PRKN: variants seen among roughly 807,000 people sequenced by gnomAD.
The protein encoded by PRKN is E3 ubiquitin-protein ligase parkin.
A neutral mutation model predicts 59.5 loss-of-function variants in PRKN; 56 were observed. That is an observed-to-expected ratio of 0.94 (90% CI 0.76 to 1.18). The LOEUF is 1.18. Ranked by LOEUF, PRKN falls within the 50% of genes most tolerant of loss-of-function variation. The pLI is 0.00. For synonymous variants in PRKN, 250 were observed against 222.1 expected, an observed-to-expected ratio of 1.13 and a Z score of -1.12; for missense variants, 657 against 596.4, an observed-to-expected ratio of 1.10 and a Z score of -1.06.
chr6:161,666,096 T>C (rs1304590918), intron 7 of PRKN, among the ~76,000 whole-genome samples: 2 of 152,204 alleles, frequency 1.3e-5, no homozygotes, highest in African/African-American at 4.8e-5. Flanking sequence ...CTATCCTGTT[T>C]CTTCATCACT....
At chr6:162,517,316 C>T (rs1489886298) in intron 1 of PRKN, among the ~76,000 whole-genome samples, 3 of 150,500 alleles carry the variant, frequency 2.0e-5, no homozygotes, top group African/African-American at 7.3e-5. Context: ...GACACAATCT[C>T]GGCTCACTGC....
At chr6:161,998,577 T>C (rs1452560071) in intron 5 of PRKN, among the ~76,000 whole-genome samples, 5 of 152,192 alleles carry the variant, frequency 3.3e-5, no homozygotes, top group African/African-American at 9.7e-5. Context: ...TACAGCTTTC[T>C]ACTCTGGTAG....
chr6:162,270,985 G>A (rs562452854), intron 2 of PRKN, among the ~76,000 whole-genome samples: 1 of 149,404 alleles, frequency 6.7e-6, no homozygotes, highest in South Asian at 2.1e-4. Flanking sequence ...GAGACTACAG[G>A]CACACGCCAC....
chr6:162,354,164 C>T lies in PRKN; in HGVS notation c.171+89146G>A, dbSNP rs183614454. On this transcript the variant is annotated intron_variant, in intron 2 of 11. Coordinates refer to ENST00000366898, the MANE Select transcript of PRKN (RefSeq NM_004562.3). ...TGACATTCTCTGGACCATTCTCAAC[C>T]GAAGAGGAAGGTATACACACCATTC... 4.7e-3 allele frequency among the ~76,000 whole-genome samples: 720 copies of T among 152,132 alleles called. 6 individuals are homozygous for T. The highest frequency in any genetic ancestry group is 9.3e-3 in the Admixed American group (142 of 15,270).
rs1789722581 is a variant in PRKN, at chr6:161,451,113, G to A, written c.1084-64236C>T. Reference sequence around the variant, plus strand: ...CCGATGGAAAGAGAACTGGCAAGGGGCTAACTTCTGCATGACGTGTTTCCA... The same window carrying A: ...CCGATGGAAAGAGAACTGGCAAGGGACTAACTTCTGCATGACGTGTTTCCA... On this transcript the variant is annotated intron_variant, in intron 9 of 11. Transcript: ENST00000366898. The surrounding 1 kb of genome is among the most constrained non-coding windows in gnomAD (Gnocchi z 5.9). 1.3e-5 allele frequency among the ~76,000 whole-genome samples: 2 copies of A among 152,110 alleles called. No homozygotes were observed. Among genetic ancestry groups the A allele is most frequent in the African/African-American group, 4.8e-5 (2 of 41,406 alleles).
intron 9 of PRKN, among the ~76,000 whole-genome samples, chr6:161,535,507 G>T (rs1194218958): frequency 6.6e-6 from 1 of 152,200 alleles, no homozygotes; most frequent in Non-Finnish European, 1.5e-5. Context: ...GCTGACATTT[G>T]TCCGCTCATC....
intron 6 of PRKN, among the ~76,000 whole-genome samples, chr6:161,896,680 C>G (rs574299966): frequency 6.6e-6 from 1 of 152,266 alleles, no homozygotes; most frequent in South Asian, 2.1e-4. Flanking sequence ...TTCACAGGAC[C>G]AAGCTTCGTA....
chr6:162,323,449 GA>G, intron 2 of PRKN, among the ~76,000 whole-genome samples: 1 of 92,724 alleles, frequency 1.1e-5, no homozygotes, highest in Middle Eastern at 6.3e-3. Flanking sequence ...CAAATTTAAA[GA>G]TTTTTTTAAA....
At chr6:161,817,139 C>G (rs1791818772) in intron 6 of PRKN, among the ~76,000 whole-genome samples, 2 of 152,158 alleles carry the variant, frequency 1.3e-5, no homozygotes, top group African/African-American at 4.8e-5. Context: ...GAGAATTAAT[C>G]TGGAATCACA....
At chr6:162,143,022 T>C (rs11963472) in intron 4 of PRKN, among the ~76,000 whole-genome samples, 26,933 of 152,246 alleles carry the variant, frequency 0.18, 3,204 homozygotes, top group African/African-American at 0.34. Context: ...TGTTGGCACG[T>C]AATACATGGC....
chr6:161,818,328 T>C (rs1349622820), intron 6 of PRKN, among the ~76,000 whole-genome samples: 2 of 52,120 alleles, frequency 3.8e-5, no homozygotes, highest in South Asian at 7.7e-4. Context: ...TCACTTGTTT[T>C]AATTTTTTTT....
intron 7 of PRKN, among the ~76,000 whole-genome samples, chr6:161,753,016 T>C (rs191849607): frequency 3.6e-4 from 55 of 152,236 alleles, no homozygotes; most frequent in African/African-American, 1.3e-3. Flanking sequence ...GTGTGGGTTA[T>C]GGTGCGGTTA....
At chr6:162,445,841 G>A (rs1367260379) in intron 1 of PRKN, among the ~76,000 whole-genome samples, 2 of 151,690 alleles carry the variant, frequency 1.3e-5, no homozygotes, top group Non-Finnish European at 2.9e-5. Context: ...CTCCAGTGAG[G>A]AGCTAAGAGC....
In PRKN at chr6:161,526,240, C is replaced by G. The variant is rs118163441; in HGVS notation, c.1083+22614G>C. 1.7e-4 allele frequency among the ~76,000 whole-genome samples: 26 copies of G among 152,320 alleles called. No individual in the cohort carries two copies. The East Asian group carries it at 4.8e-3, about 28-fold the overall frequency. ...ATGTGCATAACTGGCTCCTGTGAAC[C>G]TGGTACAGCTGGCTCCAGCCTCCAG... On this transcript the variant is annotated intron_variant, in intron 9 of 11. Coordinates refer to ENST00000366898, the MANE Select transcript of PRKN (RefSeq NM_004562.3). This position sits in a 1 kb window ranked among gnomAD's most constrained non-coding sequence, Gnocchi z 4.1.
intron 4 of PRKN, among the ~76,000 whole-genome samples, chr6:162,172,980 T>A (rs949356377): frequency 5.3e-5 from 8 of 151,652 alleles, no homozygotes; most frequent in Non-Finnish European, 2.9e-5. Flanking sequence ...AGCCTAGGGG[T>A]GAGATAAGGG....
intron 1 of PRKN, chr6:162,568,913 T>G: frequency 1.5e-6 from 1 of 678,524 alleles, no homozygotes. Context: ...AGGACATGGA[T>G]GATGCTTACG....
chr6:161,878,227 T>G (rs1014265912), intron 6 of PRKN, among the ~76,000 whole-genome samples: 45 of 152,166 alleles, frequency 3.0e-4, no homozygotes, highest in African/African-American at 1.0e-3. Context: ...TAGAAAGAAA[T>G]AAATTTTTAA....
In PRKN at chr6:161,457,229, T is replaced by C. The variant is rs1790011121; in HGVS notation, c.1084-70352A>G. Among the ~76,000 whole-genome samples the C allele has an allele frequency of 6.6e-6, 1 of 152,204 alleles. No individual in the cohort carries two copies. Among genetic ancestry groups the C allele is most frequent in the South Asian group, 2.1e-4 (1 of 4,830 alleles). The stretch of plus-strand genomic sequence containing the variant: ...GCTAATAATAATGCATTCCATTACT[T>C]TTCCTACACATGTGTCTCTGTTAAG... On this transcript the variant is annotated intron_variant, in intron 9 of 11. Coordinates refer to ENST00000366898, the MANE Select transcript of PRKN (RefSeq NM_004562.3). The surrounding 1 kb of genome is among the most constrained non-coding windows in gnomAD (Gnocchi z 5.0).
chr6:161,902,431 T>C (rs1777951933), intron 6 of PRKN, among the ~76,000 whole-genome samples: 2 of 152,138 alleles, frequency 1.3e-5, no homozygotes, highest in Admixed American at 6.6e-5. Flanking sequence ...AAATATTTCA[T>C]ATGGTTTTGC....
Sources: gnomAD v4.1 joint callset for allele counts (sites outside exome capture counted in the v4.1 genomes callset) on GRCh38, gnomAD v4.1.1 for gene constraint, Gnocchi (gnomAD v3.1) non-coding constraint, MANE v1.5 for transcripts, NCBI Gene and HGNC (gene_info 2026-07-23, HGNC 2026-07-21) for gene names.